CAMK1D: variants seen among roughly 807,000 people sequenced by gnomAD.
CAMK1D encodes the protein calcium/calmodulin-dependent protein kinase type 1D.
Under a neutral mutation model 47.7 loss-of-function variants are expected in CAMK1D, and 9 were observed. That is an observed-to-expected ratio of 0.19 (90% CI 0.11 to 0.33). The LOEUF is 0.33. CAMK1D is among the 10% of genes least tolerant of loss of function. CAMK1D has a pLI of 1.00. For synonymous variants in CAMK1D, 184 were observed against 184.9 expected, an observed-to-expected ratio of 0.99 and a Z score of 0.04; for missense variants, 291 against 488.7, an observed-to-expected ratio of 0.60 and a Z score of 3.81.
chr10:12,730,140 C>A (rs1296746996), intron 3 of CAMK1D, among the ~76,000 whole-genome samples: 1 of 152,114 alleles, frequency 6.6e-6, no homozygotes, highest in Non-Finnish European at 1.5e-5. Flanking sequence ...GCGGCAGTGA[C>A]CCAGTGACCG....
intron 3 of CAMK1D, among the ~76,000 whole-genome samples, chr10:12,717,899 A>C (rs1421992413): frequency 6.6e-6 from 1 of 151,652 alleles, no homozygotes. Context: ...GTCAAAAAAA[A>C]AAAAAAAAGA....
intron 1 of CAMK1D, among the ~76,000 whole-genome samples, chr10:12,359,997 A>G (rs1837613717): frequency 6.6e-6 from 1 of 152,168 alleles, no homozygotes; most frequent in Admixed American, 6.6e-5. Flanking sequence ...TAATTTCCAA[A>G]TCAGCCATGA....
intron 8 of CAMK1D, among the ~76,000 whole-genome samples, chr10:12,817,411 A>G (rs989802799): frequency 4.6e-5 from 7 of 152,104 alleles, no homozygotes; most frequent in African/African-American, 1.7e-4. Flanking sequence ...CTCGAGAGGG[A>G]CTAATTGAGA....
Position 12,515,029 on chromosome 10 carries a change from T to TA in CAMK1D, c.93-38195dup, listed in dbSNP as rs1835150689. On this transcript the variant is annotated intron_variant, in intron 1 of 10. Coordinates refer to ENST00000619168, the MANE Select transcript of CAMK1D (RefSeq NM_153498.4). ...CCACACCTGGCTAATTTTTTTTTTT[T>TA]ATTTTTTATTTTTAGTAGAGACGGG... 2.6e-5 allele frequency among the ~76,000 whole-genome samples: 4 copies of TA among 151,660 alleles called. No individual in the cohort carries two copies. In the South Asian group the frequency reaches 8.4e-4, roughly 32 times the overall value.
chr10:12,500,031 C>T (rs1282188566), intron 1 of CAMK1D, among the ~76,000 whole-genome samples: 3 of 152,034 alleles, frequency 2.0e-5, no homozygotes, highest in African/African-American at 7.2e-5. Flanking sequence ...TTTGGGAGGC[C>T]GAGGTGGGCA....
intron 1 of CAMK1D, among the ~76,000 whole-genome samples, chr10:12,361,248 G>T (rs1190876868): frequency 2.2e-4 from 26 of 120,070 alleles, no homozygotes; most frequent in East Asian, 7.3e-4. Context: ...CTATTTGACT[G>T]TTTTTTTTTT....
intron 1 of CAMK1D, among the ~76,000 whole-genome samples, chr10:12,543,723 A>G (rs887061080): frequency 6.6e-6 from 1 of 152,174 alleles, no homozygotes; most frequent in African/African-American, 2.4e-5. Context: ...GAACTCAGGA[A>G]GAAAAGGCAT....
intron 1 of CAMK1D, among the ~76,000 whole-genome samples, chr10:12,479,038 CAG>C (rs1187936664): frequency 6.6e-6 from 1 of 152,128 alleles, no homozygotes; most frequent in East Asian, 1.9e-4. Context: ...AACTCTGACT[CAG>C]AATCATTTTA....
intron 1 of CAMK1D, among the ~76,000 whole-genome samples, chr10:12,416,568 G>A (rs1181043009): frequency 6.6e-6 from 1 of 152,178 alleles, no homozygotes; most frequent in Admixed American, 6.5e-5. Flanking sequence ...CCAAGAGTCC[G>A]TGCAGAAAAA....
At chr10:12,533,634 G>A (rs573749599) in intron 1 of CAMK1D, among the ~76,000 whole-genome samples, 6 of 152,156 alleles carry the variant, frequency 3.9e-5, no homozygotes, top group African/African-American at 1.4e-4. Context: ...CTCTACTCTT[G>A]AAAATGACGC....
At chr10:12,760,015 T>C (rs1836425439) in intron 3 of CAMK1D, among the ~76,000 whole-genome samples, 1 of 152,244 alleles carries the variant, frequency 6.6e-6, no homozygotes, top group East Asian at 1.9e-4. Context: ...TTCTTTTTTT[T>C]CAGTAGTGTT....
chr10:12,621,392 A>G (rs551803273), intron 2 of CAMK1D, among the ~76,000 whole-genome samples: 1 of 152,312 alleles, frequency 6.6e-6, no homozygotes, highest in Admixed American at 6.5e-5. Flanking sequence ...GAGTCTTTGA[A>G]TCCATGAATA....
intron 2 of CAMK1D, among the ~76,000 whole-genome samples, chr10:12,601,282 A>G (rs997320048): frequency 1.3e-5 from 2 of 151,454 alleles, no homozygotes; most frequent in Non-Finnish European, 2.9e-5. Context: ...AATGTGAGCA[A>G]GTTTTCATTG....
chr10:12,469,378 G>A (rs1374422156), intron 1 of CAMK1D, among the ~76,000 whole-genome samples: 1 of 139,006 alleles, frequency 7.2e-6, no homozygotes, highest in Non-Finnish European at 1.5e-5. Flanking sequence ...AGGTGCTCAT[G>A]CAATTAACCC....
intron 6 of CAMK1D, among the ~76,000 whole-genome samples, chr10:12,801,325 C>CTAATT (rs1838434854): frequency 8.7e-6 from 1 of 114,834 alleles, no homozygotes; most frequent in Non-Finnish European, 1.8e-5. Context: ...ATCTATCTAT[C>CTAATT]TATCTATCTA....
In CAMK1D at chr10:12,648,584, C is replaced by T. The variant is rs1211608725; in HGVS notation, c.225-18152C>T. On this transcript the variant is annotated intron_variant, in intron 2 of 10. Transcript: ENST00000619168. ...CCCCCAGATTCAAGCGATTCTTCTGCCTCAGCCTCCCAAGTAGCTGGGATT... is the reference window on the plus strand; with the variant it reads ...CCCCCAGATTCAAGCGATTCTTCTGTCTCAGCCTCCCAAGTAGCTGGGATT... 2.6e-5 allele frequency among the ~76,000 whole-genome samples: 4 copies of T among 152,182 alleles called. No homozygotes were observed. In the East Asian group the frequency reaches 7.7e-4, roughly 29 times the overall value.
At chr10:12,785,413 A>C (rs1225156641) in intron 5 of CAMK1D, among the ~76,000 whole-genome samples, 1 of 152,178 alleles carries the variant, frequency 6.6e-6, no homozygotes, top group Non-Finnish European at 1.5e-5. Context: ...CTCTTGCAGG[A>C]GGCATGGGAG....
chr10:12,460,388 G>A (rs1209181224), intron 1 of CAMK1D, among the ~76,000 whole-genome samples: 1 of 151,858 alleles, frequency 6.6e-6, no homozygotes, highest in Non-Finnish European at 1.5e-5. Context: ...AGTCTCCCGA[G>A]TAGTTGGGAC....
chr10:12,554,079 A>G (rs1836679606), intron 2 of CAMK1D, among the ~76,000 whole-genome samples: 1 of 151,020 alleles, frequency 6.6e-6, no homozygotes, highest in Non-Finnish European at 1.5e-5. Context: ...TGTGTAATAG[A>G]AATAAAATAG....
Sources: allele counts gnomAD v4.1 joint callset (sites outside exome capture counted in the v4.1 genomes callset), GRCh38; gene constraint gnomAD v4.1.1; transcripts MANE v1.5; gene names NCBI Gene and HGNC (gene_info 2026-07-23, HGNC 2026-07-21).